TPTE: variants seen among roughly 807,000 people sequenced by gnomAD.
TPTE encodes transmembrane phosphatase with tensin homology.
In TPTE, 59 loss-of-function variants were observed where a neutral mutation model predicts 84.1. That is an observed-to-expected ratio of 0.70 (90% CI 0.57 to 0.87). The LOEUF is 0.87. TPTE is among the 40% of genes least tolerant of loss of function. The pLI is 0.00. For missense variants in TPTE, 382 were observed against 659.6 expected, an observed-to-expected ratio of 0.58 and a Z score of 4.61; for synonymous variants, 130 against 223.5, an observed-to-expected ratio of 0.58 and a Z score of 3.73.
intron 10 of TPTE, among the ~76,000 whole-genome samples, chr21:10,561,779 C>T (rs1451514294): frequency 2.0e-5 from 3 of 152,310 alleles, no homozygotes; most frequent in African/African-American, 7.2e-5. Context: ...CCAGACAGCA[C>T]CTGTGGATCC....
At chr21:10,563,522 TAG>T (rs2074850142) in intron 10 of TPTE, among the ~76,000 whole-genome samples, 1 of 152,310 alleles carries the variant, frequency 6.6e-6, no homozygotes, top group African/African-American at 2.4e-5. Context: ...GACTAAGTTG[TAG>T]AGTTTTTATT....
rs535000954 is a variant in TPTE, at chr21:10,523,660, G to A, written c.-210-920G>A. 1.2e-4 allele frequency among the ~76,000 whole-genome samples: 19 copies of A among 152,412 alleles called. No individual in the cohort carries two copies. In the East Asian group the frequency reaches 3.3e-3, roughly 26 times the overall value. ...TTTTATGGCTGCATAGTATTCCATG[G>A]TGTATATGTGCCACATTTTCTTAAT... On this transcript the variant is annotated intron_variant, in intron 1 of 23. Transcript: ENST00000618007.
intron 8 of TPTE, among the ~76,000 whole-genome samples, chr21:10,553,329 T>G (rs1016546668): frequency 6.6e-6 from 1 of 152,308 alleles, no homozygotes; most frequent in African/African-American, 2.4e-5. Flanking sequence ...CTTGCCCAGT[T>G]GTATAACCAT....
intron 14 of TPTE, among the ~76,000 whole-genome samples, chr21:10,571,433 G>A (rs1305852763): frequency 6.6e-6 from 1 of 152,306 alleles, no homozygotes; most frequent in African/African-American, 2.4e-5. Flanking sequence ...AATCAGTTTA[G>A]GGCCATAAGA....
At chr21:10,527,010 G>C (rs1159623514) in intron 2 of TPTE, among the ~76,000 whole-genome samples, 1 of 152,302 alleles carries the variant, frequency 6.6e-6, no homozygotes, top group African/African-American at 2.4e-5. Flanking sequence ...TTCACAAAAT[G>C]TTTTAAACAT....
chr21:10,555,293 A>G (rs2074659876), intron 8 of TPTE, among the ~76,000 whole-genome samples: 1 of 152,266 alleles, frequency 6.6e-6, no homozygotes, highest in East Asian at 1.9e-4. Context: ...TGCAACCTCC[A>G]CTTCCCAGGT....
chr21:10,545,254 G>T (rs1169158613), intron 7 of TPTE, among the ~76,000 whole-genome samples: 1 of 149,494 alleles, frequency 6.7e-6, no homozygotes, highest in Admixed American at 6.6e-5. Context: ...ATTCACAAAT[G>T]AAGTAATACA....
chr21:10,522,313 G>A (rs2073995461), intron 1 of TPTE, among the ~76,000 whole-genome samples: 2 of 152,400 alleles, frequency 1.3e-5, no homozygotes, highest in African/African-American at 4.8e-5. Context: ...AGAAGGGCTT[G>A]GGGTGCGGGG....
intron 20 of TPTE, among the ~76,000 whole-genome samples, chr21:10,596,713 CCT>C (rs1328719410): frequency 1.0e-4 from 16 of 152,414 alleles, no homozygotes; most frequent in African/African-American, 2.9e-4. Context: ...CTAAAGCAAA[CCT>C]CTTCTAGCAG....
intron 19 of TPTE, among the ~76,000 whole-genome samples, chr21:10,594,287 A>C (rs2075540095): frequency 6.6e-6 from 1 of 152,312 alleles, no homozygotes; most frequent in African/African-American, 2.4e-5. Flanking sequence ...TCTCAGCCTG[A>C]AGTAGTCTCT....
intron 19 of TPTE, among the ~76,000 whole-genome samples, chr21:10,595,128 G>A (rs10439785): frequency 0.057 from 7,989 of 140,954 alleles, no homozygotes; most frequent in South Asian, 0.12. Context: ...CCACAACCTC[G>A]ACCTCTTGGG....
chr21:10,551,714 CAA>C (rs147086521), intron 7 of TPTE, among the ~76,000 whole-genome samples: 1 of 151,426 alleles, frequency 6.6e-6, no homozygotes, highest in Admixed American at 6.6e-5. Flanking sequence ...AAATCAGAAA[CAA>C]AAAAAAAGAG....
chr21:10,543,185 G>A lies in TPTE; in HGVS notation c.120-144G>A, dbSNP rs1448336710. 3.1e-5 allele frequency: 35 copies of A among 1,131,550 alleles called. 1 individual carries two copies. Among genetic ancestry groups the A allele is most frequent in the Middle Eastern group, 2.9e-4 (1 of 3,502 alleles). The allele number at this position is 1,131,550 out of a possible 1,614,324, so 70.1% of individuals were successfully genotyped here. Reference sequence around the variant, plus strand: ...GCTGGGACTACAGGCGCCCGCCACCGCGCCCAGCTAATTTTTTTTTGTATT... The same window carrying A: ...GCTGGGACTACAGGCGCCCGCCACCACGCCCAGCTAATTTTTTTTTGTATT... On this transcript the variant is annotated intron_variant, in intron 6 of 23. Transcript: ENST00000618007.
rs1292930833 is a variant in TPTE, at chr21:10,541,103, G to A, written c.12-9G>A. The A allele has an allele frequency of 1.2e-6, 2 of 1,612,944 alleles. No individual in the cohort carries two copies. Among genetic ancestry groups the A allele is most frequent in the Non-Finnish European group, 1.7e-6 (2 of 1,179,032 alleles). On this transcript the variant is annotated splice_polypyrimidine_tract_variant and intron_variant, in intron 4 of 23. Transcript: ENST00000618007. ...ATTGGGTCTGACTCTGACCATATTT[G>A]TCCTTTAGTCCTGATCCGACTGACC...
intron 8 of TPTE, among the ~76,000 whole-genome samples, chr21:10,554,183 G>T (rs534810664): frequency 6.6e-6 from 1 of 152,302 alleles, no homozygotes. Flanking sequence ...AACATTATTT[G>T]TAACAGTTGT....
At chr21:10,586,840 T>C (rs1205808835) in intron 17 of TPTE, among the ~76,000 whole-genome samples, 1 of 152,312 alleles carries the variant, frequency 6.6e-6, no homozygotes, top group Non-Finnish European at 1.5e-5. Context: ...ACTGACTTTC[T>C]ACACTGGTTA....
chr21:10,604,929 G>C (rs1466501038), intron 23 of TPTE, among the ~76,000 whole-genome samples: 1 of 152,418 alleles, frequency 6.6e-6, no homozygotes, highest in Non-Finnish European at 1.5e-5. Flanking sequence ...TTGAGAACAC[G>C]AGGCATAAAT....
rs2074352142 is a variant in TPTE, at chr21:10,540,663, A to T, written c.12-449A>T. On this transcript the variant is annotated intron_variant, in intron 4 of 23. Coordinates refer to ENST00000618007, the MANE Select transcript of TPTE (RefSeq NM_199261.4). ...ACTGCCTTTGCCCATACCCACTCTC[A>T]CATGGGATGGAGCCCTTGCTTGAGG... is the stretch of plus-strand genomic sequence containing the variant. 5.8e-6 allele frequency: 3 copies of T among 519,032 alleles called. No homozygotes were observed. The East Asian group carries it at 1.6e-4, about 28-fold the overall frequency. The allele number at this position is 519,032 out of a possible 1,614,324, so 32.2% of individuals were successfully genotyped here.
intron 7 of TPTE, among the ~76,000 whole-genome samples, chr21:10,549,835 T>A (rs2074540200): frequency 6.6e-6 from 1 of 152,302 alleles, no homozygotes; most frequent in Admixed American, 6.5e-5. Flanking sequence ...TCCAGGAAGA[T>A]CAAAGAACCC....
Sources: gnomAD v4.1 joint callset for allele counts (sites outside exome capture counted in the v4.1 genomes callset) on GRCh38, gnomAD v4.1.1 for gene constraint, MANE v1.5 for transcripts, NCBI Gene and HGNC (gene_info 2026-07-23, HGNC 2026-07-21) for gene names.